TEAD1: variants seen among roughly 807,000 people sequenced by gnomAD.
TEAD1 encodes the protein TEA domain transcription factor 1.
A neutral mutation model predicts 54.9 loss-of-function variants in TEAD1; 9 were observed. The observed-to-expected ratio is 0.16, with a 90% CI of 0.10 to 0.29. The LOEUF (loss-of-function observed/expected upper bound fraction) is 0.29, where lower values mean the gene tolerates loss of function less well. TEAD1 is among the 10% of genes least tolerant of loss of function. The probability of loss-of-function intolerance (pLI) is 1.00; values close to 1 mark genes in which losing one functional copy is unlikely to be tolerated. For missense variants in TEAD1, 387 were observed against 535.9 expected (o/e 0.72, Z 2.74); for synonymous variants, 200 against 187.8 (o/e 1.07, Z -0.53).
Position 12,694,288 on chromosome 11 carries a change from A to G in TEAD1, c.-55+18727A>G, listed in dbSNP as rs564938003. Among the ~76,000 whole-genome samples the G allele has an allele frequency of 6.0e-5, 9 of 149,752 alleles. No individual in the cohort carries two copies. In the South Asian group the frequency reaches 1.7e-3, roughly 28 times the overall value. Reference sequence around the variant, plus strand: ...TTCTTCACTTGAGAGAAAGGAGAGAAAAAAGAGAGAGAGGGGAGAGAGACG... The same window carrying G: ...TTCTTCACTTGAGAGAAAGGAGAGAGAAAAGAGAGAGAGGGGAGAGAGACG... On this transcript the variant is annotated intron_variant, in intron 2 of 12. Coordinates refer to ENST00000527636, the MANE Select transcript of TEAD1 (RefSeq NM_021961.6).
chr11:12,819,323 T>C (rs748832573), intron 3 of TEAD1, among the ~76,000 whole-genome samples: 41 of 151,896 alleles, frequency 2.7e-4, no homozygotes, highest in Non-Finnish European at 4.9e-4. Flanking sequence ...ATGCTTTAAA[T>C]GATTCTTTTA....
intron 9 of TEAD1, among the ~76,000 whole-genome samples, chr11:12,890,767 T>C (rs1228033422): frequency 6.6e-6 from 1 of 152,170 alleles, no homozygotes; most frequent in Non-Finnish European, 1.5e-5. Context: ...AGTCAGAATA[T>C]TTTTCAATTA....
intron 2 of TEAD1, among the ~76,000 whole-genome samples, chr11:12,743,581 C>G (rs989731590): frequency 2.0e-5 from 3 of 152,120 alleles, no homozygotes; most frequent in African/African-American, 7.2e-5. Context: ...AGAAACAGCC[C>G]CCTGCTAGGC....
intron 3 of TEAD1, among the ~76,000 whole-genome samples, chr11:12,831,945 C>A (rs1590193948): frequency 6.6e-6 from 1 of 152,102 alleles, no homozygotes; most frequent in Admixed American, 6.5e-5. Flanking sequence ...AGGAGATTTA[C>A]TGCTCTCAAC....
chr11:12,899,946 A>AT (rs1948392988), intron 9 of TEAD1, among the ~76,000 whole-genome samples: 1 of 152,368 alleles, frequency 6.6e-6, no homozygotes, highest in Non-Finnish European at 1.5e-5. Context: ...AGAGATCCAA[A>AT]TGTGGGTAGC....
chr11:12,928,806 A>C (rs1052990215), intron 11 of TEAD1, among the ~76,000 whole-genome samples: 1 of 152,214 alleles, frequency 6.6e-6, no homozygotes, highest in Non-Finnish European at 1.5e-5. Context: ...ATATGCATAC[A>C]CAGTAGAATG....
intron 2 of TEAD1, among the ~76,000 whole-genome samples, chr11:12,724,576 C>T (rs1037303949): frequency 1.3e-5 from 2 of 152,220 alleles, no homozygotes; most frequent in African/African-American, 2.4e-5. Flanking sequence ...TCATAAAATG[C>T]GCGTGCACAC....
intron 11 of TEAD1, among the ~76,000 whole-genome samples, chr11:12,928,825 G>A (rs183663893): frequency 6.6e-6 from 1 of 152,156 alleles, no homozygotes; most frequent in African/African-American, 2.4e-5. Flanking sequence ...TGGCTGAATC[G>A]AGCTAATTAA....
At chr11:12,858,737 C>T (rs1474248416) in intron 3 of TEAD1, among the ~76,000 whole-genome samples, 4 of 152,144 alleles carry the variant, frequency 2.6e-5, no homozygotes, top group Non-Finnish European at 4.4e-5. Flanking sequence ...ATGACTACAG[C>T]GTAATGCCCA....
intron 3 of TEAD1, among the ~76,000 whole-genome samples, chr11:12,772,525 T>TG (rs1450728680): frequency 2.6e-5 from 4 of 152,206 alleles, no homozygotes; most frequent in Admixed American, 1.3e-4. Flanking sequence ...TTAGTACAGA[T>TG]GTACAGTATA....
intron 2 of TEAD1, among the ~76,000 whole-genome samples, chr11:12,721,037 T>G (rs1283725418): frequency 1.3e-5 from 2 of 152,256 alleles, no homozygotes; most frequent in East Asian, 3.8e-4. Context: ...TGTATTCTTT[T>G]ATTTTTCATG....
At chr11:12,846,970 A>T (rs1402073297) in intron 3 of TEAD1, among the ~76,000 whole-genome samples, 1 of 152,166 alleles carries the variant, frequency 6.6e-6, no homozygotes, top group Non-Finnish European at 1.5e-5. Context: ...GGAAAGATTC[A>T]TGGGTATTTC....
intron 9 of TEAD1, among the ~76,000 whole-genome samples, chr11:12,898,227 G>T (rs1948350639): frequency 6.6e-6 from 1 of 152,032 alleles, no homozygotes; most frequent in Non-Finnish European, 1.5e-5. Context: ...CAGTCACTTG[G>T]CTTCACTGCT....
At chr11:12,740,215 A>T (rs1396220620) in intron 2 of TEAD1, among the ~76,000 whole-genome samples, 1 of 152,184 alleles carries the variant, frequency 6.6e-6, no homozygotes, top group East Asian at 1.9e-4. Flanking sequence ...ACCGTGCCTT[A>T]GTTTCCTCAT....
intron 10 of TEAD1, 110 bp downstream of exon 10, chr11:12,902,223 A>T: frequency 7.0e-7 from 1 of 1,428,142 alleles, no homozygotes; most frequent in Non-Finnish European, 9.9e-7. Context: ...GTGCACCTTC[A>T]TGTGCTTCTG....
At chr11:12,682,805 A>G (rs1268325827) in intron 2 of TEAD1, among the ~76,000 whole-genome samples, 1 of 152,202 alleles carries the variant, frequency 6.6e-6, no homozygotes, top group Non-Finnish European at 1.5e-5. Flanking sequence ...AGCAAGGAAA[A>G]CAGGCATGTA....
Position 12,892,362 on chromosome 11 carries a change from G to A in TEAD1, c.699+9237G>A, listed in dbSNP as rs113463747. Among the ~76,000 whole-genome samples the A allele has an allele frequency of 3.3e-3, 510 of 152,256 alleles. 2 individuals are homozygous for A. Among genetic ancestry groups the A allele is most frequent in the Non-Finnish European group, 4.2e-3 (284 of 68,020 alleles). On this transcript the variant is annotated intron_variant, in intron 9 of 12. Coordinates refer to ENST00000527636, the MANE Select transcript of TEAD1 (RefSeq NM_021961.6). ...CAAGATAAAAAGCAAGGTTTCAGCC[G>A]GGCGCAGTGGTTCATGCCTGTAAAC...
chr11:12,833,740 A>G (rs1946828220), intron 3 of TEAD1, among the ~76,000 whole-genome samples: 1 of 152,264 alleles, frequency 6.6e-6, no homozygotes, highest in African/African-American at 2.4e-5. Flanking sequence ...CACAGAATTA[A>G]TATTTCCAAG....
In TEAD1 at chr11:12,890,264, C is replaced by T. The variant is rs373195329; in HGVS notation, c.699+7139C>T. Among the ~76,000 whole-genome samples, 7 of 152,180 alleles carry T rather than the reference C, an allele frequency of 4.6e-5. 1 individual carries two copies. The highest frequency in any genetic ancestry group is 3.3e-4 in the Admixed American group (5 of 15,278). ...AAAGACAAAGTTCAAAAGTTAAAAA[C>T]AGCTGCCTGCAAAGTAGGAGCTCCC... is the stretch of plus-strand genomic sequence containing the variant. On this transcript the variant is annotated intron_variant, in intron 9 of 12. Transcript: ENST00000527636.
Sources: gnomAD v4.1 joint callset for allele counts (sites outside exome capture counted in the v4.1 genomes callset) on GRCh38, gnomAD v4.1.1 for gene constraint, MANE v1.5 for transcripts, NCBI Gene and HGNC (gene_info 2026-07-23, HGNC 2026-07-21) for gene names.